CEACAM16: variants seen among roughly 807,000 people sequenced by gnomAD.
CEACAM16 encodes cell adhesion molecule CEACAM16.
In CEACAM16, 30 loss-of-function variants were observed where a neutral mutation model predicts 39.4. The ratio of observed to expected loss-of-function variants is 0.76; its 90% confidence interval spans 0.57 to 1.03. The LOEUF (loss-of-function observed/expected upper bound fraction) is 1.03, where lower values mean the gene tolerates loss of function less well. CEACAM16 is among the 50% of genes least tolerant of loss of function. CEACAM16 has a pLI of 0.00. For missense variants in CEACAM16, 521 were observed against 585.3 expected, an observed-to-expected ratio of 0.89 and a Z score of 1.13; for synonymous variants, 262 against 264.9, an observed-to-expected ratio of 0.99 and a Z score of 0.11.
Position 44,707,783 on chromosome 19 carries a change from G to A in CEACAM16, c.941-78G>A, listed in dbSNP as rs966831041. ...ATGGGGAGTGCCAGCCAGCTGGGGG[G>A]AGGCCAGCAAGGGTTGGGAAGGGGA... On this transcript the variant is annotated intron_variant, in intron 5 of 6. Transcript: ENST00000587331. 34 of 1,291,042 alleles carry A rather than the reference G, an allele frequency of 2.6e-5. No individual in the cohort carries two copies. In the Admixed American group the frequency reaches 4.8e-4, roughly 18 times the overall value. The allele number at this position is 1,291,042 out of a possible 1,614,324, so 80.0% of individuals were successfully genotyped here.
chr19:44,709,536 C>T (rs374123085), intron 6 of CEACAM16, among the ~76,000 whole-genome samples: 1,656 of 66,442 alleles, frequency 0.025, 100 homozygotes, highest in African/African-American at 0.094. Context: ...TCCATCAGAC[C>T]GGGAGCTCCC....
chr19:44,708,723 T>C (rs1273466381), intron 6 of CEACAM16, among the ~76,000 whole-genome samples: 1 of 152,168 alleles, frequency 6.6e-6, no homozygotes, highest in Non-Finnish European at 1.5e-5. Context: ...AAAGTTTCTA[T>C]CATCAGATGG....
rs767675963 is a variant in CEACAM16 at position 44,704,151 on chromosome 19, C to G, written c.516C>G (p.Pro172=). The G allele has an allele frequency of 5.7e-6, 9 of 1,589,878 alleles. No homozygotes were observed. The highest frequency in any genetic ancestry group is 3.4e-5 in the South Asian group (3 of 87,546). ...VRWFFNGGAL[P]VALRLGLSPD... is the part of the protein sequence containing the mutation. ...GGTTCTTCAACGGTGGGGCCCTGCC[C>G]GTCGCTCTCCGCCTGGGCCTGTCCC... The change falls in exon 4 of 7, where the codon CCC becomes CCG. Residue 172 remains proline (P), a synonymous_variant. Coordinates refer to ENST00000587331, the MANE Select transcript of CEACAM16 (RefSeq NM_001039213.4).
chr19:44,705,767 T>A lies in CEACAM16; in HGVS notation c.839T>A (p.Ile280Asn). The change falls in exon 5 of 7, where the codon ATC becomes AAC. Residue 280 changes from isoleucine (I) to asparagine (N), a missense_variant. Transcript: ENST00000587331. ...ALKNGQDHLN[I>N]SSMTAAQEGT... ...AAGAACGGCCAAGACCACCTCAACA[T>A]CAGCAGCATGACAGCCGCCCAGGAG... 1.2e-6 allele frequency: 2 copies of A among 1,613,940 alleles called. No individual in the cohort carries two copies. Among genetic ancestry groups the A allele is most frequent in the Non-Finnish European group, 1.7e-6 (2 of 1,179,892 alleles).
intron 3 of CEACAM16, 45 bp from the exon 4 acceptor site, chr19:44,703,973 C>T (rs1204051050): frequency 6.5e-7 from 1 of 1,533,158 alleles, no homozygotes; most frequent in Admixed American, 1.8e-5. Flanking sequence ...GCCCTCAGAG[C>T]AGGTGGTGTC....
chr19:44,707,283 G>C (rs1389526864), intron 5 of CEACAM16, among the ~76,000 whole-genome samples: 2 of 152,004 alleles, frequency 1.3e-5, no homozygotes, highest in Non-Finnish European at 2.9e-5. Flanking sequence ...TAACTTCCAG[G>C]GTCCCCAACT....
Position 44,705,836 on chromosome 19 carries a change from C to T in CEACAM16, c.908C>T (p.Ser303Phe). Residue 303 changes from serine (S) to phenylalanine (F), a missense_variant, in exon 5 of 7, where the codon TCT becomes TTT. Ser to Phe is a radical substitution (Grantham distance 155, BLOSUM62 -2). Coordinates refer to ENST00000587331, the MANE Select transcript of CEACAM16 (RefSeq NM_001039213.4). ...CIAKNTKTLL[S>F]GSASVVVKLS... ...GCGAAGAACACCAAGACCCTGCTAT[C>T]TGGATCTGCCTCAGTCGTGGTCAAG... is the stretch of plus-strand genomic sequence containing the variant. 2.5e-6 allele frequency: 4 copies of T among 1,613,650 alleles called. No individual in the cohort carries two copies. The highest frequency in any genetic ancestry group is 1.7e-5 in the Admixed American group (1 of 60,024).
chr19:44,699,189 T>C lies in CEACAM16; in HGVS notation c.-168T>C, dbSNP rs750775389. On this transcript the variant is annotated 5_prime_UTR_variant, in exon 1 of 7. Coordinates refer to ENST00000587331, the MANE Select transcript of CEACAM16 (RefSeq NM_001039213.4). Reference sequence around the variant, plus strand: ...GCCTAGAACAGCACCTGGCAAACAATAGGTGCTCATTCAGTATTTGTCCAA... The same window carrying C: ...GCCTAGAACAGCACCTGGCAAACAACAGGTGCTCATTCAGTATTTGTCCAA... 4 of 525,174 alleles carry C rather than the reference T, an allele frequency of 7.6e-6. No individual in the cohort carries two copies. Among genetic ancestry groups the C allele is most frequent in the Admixed American group, 2.0e-5 (1 of 49,818 alleles). The allele number at this position is 525,174 out of a possible 1,614,324, so 32.5% of individuals were successfully genotyped here. A position where few individuals can be genotyped will look rare whatever the true frequency, so the allele number is the denominator to read the frequency against.
In CEACAM16 at chr19:44,707,988, C is replaced by T. The variant is rs561726200; in HGVS notation, c.1068C>T (p.Ser356=). The part of the protein sequence containing the change: ...LVYAWYRGPA[S]EPNRLLSQLP... ...ACGCCTGGTACCGCGGGCCTGCCTC[C>T]GAGCCCAACCGGCTGCTCAGCCAGC... Residue 356 remains serine (S), a synonymous_variant, in exon 6 of 7, where the codon TCC becomes TCT. Transcript: ENST00000587331. The T allele has an allele frequency of 3.7e-5, 60 of 1,606,878 alleles. No homozygotes were observed. The highest frequency in any genetic ancestry group is 1.5e-4 in the Admixed American group (9 of 59,258).
In CEACAM16 at chr19:44,703,541, C is replaced by T; in HGVS notation, c.230C>T (p.Pro77Leu). ...ATCGTGAGCACAGGCGATGAGACTC[C>T]TGGCCCGGCCCACACGGGGCGGGAG... ...SYIVSTGDET[P>L]GPAHTGREAV... The change falls in exon 3 of 7, where the codon CCT (proline) becomes CTT (leucine). Residue 77 changes from proline (P) to leucine (L), a missense_variant. Coordinates refer to ENST00000587331, the MANE Select transcript of CEACAM16 (RefSeq NM_001039213.4). 6.2e-7 allele frequency: 1 copy of T among 1,613,398 alleles called. No individual in the cohort carries two copies. Among genetic ancestry groups the T allele is most frequent in the East Asian group, 2.2e-5 (1 of 44,870 alleles).
intron 6 of CEACAM16, among the ~76,000 whole-genome samples, chr19:44,709,964 C>T (rs1474302111): frequency 1.3e-5 from 2 of 152,254 alleles, no homozygotes; most frequent in Non-Finnish European, 2.9e-5. Flanking sequence ...ACTGAGCATC[C>T]CCAGAGGTCT....
chr19:44,704,418 C>A, intron 4 of CEACAM16, 122 bp downstream of exon 4: 1 of 1,253,768 alleles, frequency 8.0e-7, no homozygotes, highest in Non-Finnish European at 1.1e-6. Context: ...GGATTGGGGA[C>A]CAGGGACCCC....
At chr19:44,705,891 AC>A (rs778563090) in intron 5 of CEACAM16, 23 bp downstream of exon 5, 9 of 1,592,976 alleles carry the variant, frequency 5.6e-6, no homozygotes, top group Admixed American at 3.4e-5. Flanking sequence ...CAGCCTGACC[AC>A]CCCCCAGTCC....
intron 5 of CEACAM16, among the ~76,000 whole-genome samples, chr19:44,706,269 TACACACACACACACAC>T (rs57354088): frequency 0.028 from 3,712 of 132,682 alleles, 110 homozygotes; most frequent in African/African-American, 0.076. Context: ...ATGATGGGTA[TACACACACACACACAC>T]ACACACACAC....
rs1974384726 is a variant in CEACAM16 at position 44,703,497 on chromosome 19, A to C, written c.186A>C (p.Ser62=). 3.7e-6 allele frequency: 6 copies of C among 1,613,658 alleles called. 1 individual carries two copies. The South Asian group carries it at 6.6e-5, about 18-fold the overall frequency. The change falls in exon 3 of 7, where the codon TCA becomes TCC. Residue 62 remains serine, a synonymous_variant. Coordinates refer to ENST00000587331, the MANE Select transcript of CEACAM16 (RefSeq NM_001039213.4). The part of the protein sequence containing the change: ...SWYAGPTLSV[S]YLVASYIVST... ...ATGCGGGGCCCACACTCAGCGTGTC[A>C]TACCTGGTGGCCAGCTACATCGTGA...
intron 5 of CEACAM16, among the ~76,000 whole-genome samples, chr19:44,706,411 G>A (rs1486306753): frequency 2.0e-5 from 3 of 152,136 alleles, no homozygotes; most frequent in Non-Finnish European, 4.4e-5. Context: ...CTGGGGCAGT[G>A]CAGGCAGCTG....
chr19:44,703,420 G>A lies in CEACAM16; in HGVS notation c.109G>A (p.Val37Ile), dbSNP rs368522084. 8.7e-6 allele frequency: 14 copies of A among 1,613,712 alleles called. No individual in the cohort carries two copies. Among genetic ancestry groups the A allele is most frequent in the South Asian group, 1.1e-5 (1 of 91,082 alleles). ...EPAQPSEGDN[V>I]TLVVHGLSGE... The stretch of plus-strand genomic sequence containing the variant: ...TGCCCAGCCGAGCGAAGGGGACAAC[G>A]TCACGCTGGTCGTCCATGGGCTTTC... The change falls in exon 3 of 7, where the codon GTC becomes ATC. Residue 37 changes from valine (V) to isoleucine (I), a missense_variant. Transcript: ENST00000587331.
Position 44,707,993 on chromosome 19 carries a change from C to T in CEACAM16, c.1073C>T (p.Pro358Leu). The T allele has an allele frequency of 6.2e-7, 1 of 1,608,518 alleles. No individual in the cohort carries two copies. The highest frequency in any genetic ancestry group is 1.3e-5 in the African/African-American group (1 of 74,962). The change falls in exon 6 of 7, where the codon CCC (proline) becomes CTC (leucine). Residue 358 changes from proline to leucine, a missense_variant. Pro to Leu is a moderately conservative substitution (Grantham distance 98). Coordinates refer to ENST00000587331, the MANE Select transcript of CEACAM16 (RefSeq NM_001039213.4). ...YAWYRGPASE[P>L]NRLLSQLPSG... ...TGGTACCGCGGGCCTGCCTCCGAGC[C>T]CAACCGGCTGCTCAGCCAGCTGCCG...
At chr19:44,708,862 C>T (rs529399350) in intron 6 of CEACAM16, among the ~76,000 whole-genome samples, 3 of 152,318 alleles carry the variant, frequency 2.0e-5, no homozygotes, top group Non-Finnish European at 2.9e-5. Context: ...CCCCATCAGA[C>T]TGGGAGCTCT....
Sources: allele counts gnomAD v4.1 joint callset (sites outside exome capture counted in the v4.1 genomes callset), GRCh38; gene constraint gnomAD v4.1.1; transcripts MANE v1.5; gene names NCBI Gene and HGNC (gene_info 2026-07-23, HGNC 2026-07-21).